Variants in SLC26A5 observed in about 807,000 individuals in gnomAD.
SLC26A5 encodes solute carrier family 26 member 5.
SLC26A5 carries 51 observed loss-of-function variants against 81.0 expected under a neutral mutation model. The observed-to-expected ratio is 0.63, with a 90% CI of 0.50 to 0.80. SLC26A5 has a LOEUF of 0.80. Among genes scored for constraint, SLC26A5 ranks in the 30% least tolerant of loss-of-function variants. The probability of loss-of-function intolerance (pLI) is 0.00; values close to 1 mark genes in which losing one functional copy is unlikely to be tolerated. For synonymous variants in SLC26A5, 325 were observed against 332.8 expected (o/e 0.98, Z 0.25); for missense variants, 771 against 905.8 (o/e 0.85, Z 1.91).
intron 17 of SLC26A5, 70 bp from the exon 18 acceptor site, chr7:103,377,869 T>A (rs1821476029): frequency 2.1e-6 from 3 of 1,454,966 alleles, no homozygotes; most frequent in African/African-American, 1.4e-5. Flanking sequence ...GAAAGATTTA[T>A]AATGGAAAAT....
chr7:103,359,306 A>C (rs1243089325), intron 19 of SLC26A5, among the ~76,000 whole-genome samples: 6 of 151,726 alleles, frequency 4.0e-5, no homozygotes, highest in Non-Finnish European at 8.8e-5. Context: ...CCAGCTTATG[A>C]ATTTTTTTAA....
chr7:103,417,505 G>A (rs1026260541), intron 4 of SLC26A5, among the ~76,000 whole-genome samples: 104 of 151,308 alleles, frequency 6.9e-4, no homozygotes, highest in African/African-American at 2.1e-3. Context: ...TTTAATGTTG[G>A]ACACAGCTTG....
intron 15 of SLC26A5, among the ~76,000 whole-genome samples, chr7:103,379,866 T>C (rs774872159): frequency 2.6e-5 from 4 of 152,166 alleles, no homozygotes; most frequent in Non-Finnish European, 5.9e-5. Context: ...ATGTTGCATA[T>C]ACTTCTTTGG....
rs1821529688 is a variant in SLC26A5 at position 103,378,542 on chromosome 7, G to A, written c.1689C>T (p.Asn563=). The A allele has an allele frequency of 2.5e-6, 4 of 1,613,974 alleles. No individual in the cohort carries two copies. The East Asian group carries it at 8.9e-5, about 36-fold the overall frequency. Residue 563 remains asparagine, a synonymous_variant, in exon 17 of 20, where the codon AAC becomes AAT. Transcript: ENST00000306312. ...TCCTTGCTCCCATGATGACTGCTGG[G>A]TTCACTCCAGTCTTTACAGAAGAGC... ...SNALKRKTGV[N]PAVIMGARRK... is the part of the protein sequence containing the mutation.
intron 19 of SLC26A5, chr7:103,362,393 G>A: frequency 7.5e-7 from 1 of 1,333,642 alleles, no homozygotes; most frequent in African/African-American, 1.5e-5. Context: ...GGATAGTTGT[G>A]ATGCTAAGTG....
downstream of SLC26A5, among the ~76,000 whole-genome samples, chr7:103,373,980 T>C (rs1025359526): frequency 2.0e-5 from 3 of 152,218 alleles, no homozygotes; most frequent in Admixed American, 6.5e-5. Flanking sequence ...GTTCCTGTCT[T>C]CTGTTAGATA....
In SLC26A5 at chr7:103,389,353, GA is replaced by G; in HGVS notation, c.1382del (p.Phe461SerfsTer7). The G allele has an allele frequency of 1.9e-6, 3 of 1,613,912 alleles. No individual in the cohort carries two copies. In the South Asian group the frequency reaches 3.3e-5, roughly 18 times the overall value. ...CCAGCTCTATTTTGCTGGTTCTCCAGAAAAAGGGGAGATCTGAGAACTGCAT... is the reference window on the plus strand; with the variant it reads ...CCAGCTCTATTTTGCTGGTTCTCCAGAAAAGGGGAGATCTGAGAACTGCAT... ...MFMQFSDLPF[F>X]WRTSKIELTI... On this transcript the variant is annotated frameshift_variant, in exon 13 of 20. Transcript: ENST00000306312. LOFTEE classifies it high-confidence loss of function.
At chr7:103,356,676 T>C (rs1208852579) in intron 19 of SLC26A5, among the ~76,000 whole-genome samples, 1 of 152,250 alleles carries the variant, frequency 6.6e-6, no homozygotes, top group Non-Finnish European at 1.5e-5. Flanking sequence ...GTTCATATAT[T>C]GTACATATTG....
intron 19 of SLC26A5, among the ~76,000 whole-genome samples, chr7:103,375,489 C>T (rs1821287814): frequency 6.6e-6 from 1 of 152,326 alleles, no homozygotes; most frequent in African/African-American, 2.4e-5. Context: ...GTTTTCCCAT[C>T]ATATGCCTAT....
chr7:103,364,418 T>G lies in SLC26A5; in HGVS notation c.2042-11492A>C, dbSNP rs544755950. On this transcript the variant is annotated intron_variant, in intron 19 of 19. Coordinates refer to the SLC26A5 transcript ENST00000339444. ...GGATCCAGACCTGAAATTTCTTTTTTCTTTTGTTGAGACAGAGTCTCATTG... is the reference window on the plus strand; with the variant it reads ...GGATCCAGACCTGAAATTTCTTTTTGCTTTTGTTGAGACAGAGTCTCATTG... The G allele has an allele frequency of 3.2e-6, 4 of 1,263,844 alleles. No homozygotes were observed. In the Admixed American group the frequency reaches 8.5e-5, roughly 27 times the overall value. The allele number at this position is 1,263,844 out of a possible 1,614,324, so 78.3% of individuals were successfully genotyped here. A position where few individuals can be genotyped will look rare whatever the true frequency, so the allele number is the denominator to read the frequency against.
In SLC26A5 at chr7:103,377,802, G is replaced by C; in HGVS notation, c.1786-3C>G. On this transcript the variant is annotated splice_polypyrimidine_tract_variant and splice_region_variant and intron_variant, in intron 17 of 19. Transcript: ENST00000306312. ...TCCTCTCCATCTACTTCTGCATCCT[G>C]TGTCAAAAATTAAACCAAACCAGAA... The C allele has an allele frequency of 1.9e-6, 3 of 1,613,416 alleles. No homozygotes were observed. The highest frequency in any genetic ancestry group is 2.5e-6 in the Non-Finnish European group (3 of 1,179,896).
chr7:103,430,914 C>A (rs1826034773), intron 2 of SLC26A5, among the ~76,000 whole-genome samples: 1 of 152,174 alleles, frequency 6.6e-6, no homozygotes, highest in African/African-American at 2.4e-5. Context: ...CAAAATCACT[C>A]TACCACGGAT....
chr7:103,415,503 A>C (rs1824832464), intron 4 of SLC26A5, among the ~76,000 whole-genome samples: 1 of 152,154 alleles, frequency 6.6e-6, no homozygotes, highest in South Asian at 2.1e-4. Context: ...ACCGGGTGGG[A>C]GTATTACTGG....
intron 4 of SLC26A5, among the ~76,000 whole-genome samples, chr7:103,414,324 T>G (rs563894534): frequency 6.6e-6 from 1 of 151,930 alleles, no homozygotes; most frequent in Non-Finnish European, 1.5e-5. Flanking sequence ...TAGTTGGGAC[T>G]ACAGGTGTGT....
At chr7:103,445,586 G>A (rs1039659744) in intron 1 of SLC26A5, 3 of 152,284 alleles carry the variant, frequency 2.0e-5, no homozygotes, top group Admixed American at 6.5e-5. Context: ...GCTGAGCGGA[G>A]GGCCCAGTTT....
At chr7:103,381,849 A>G (rs1027329864) in intron 14 of SLC26A5, among the ~76,000 whole-genome samples, 18 of 151,702 alleles carry the variant, frequency 1.2e-4, no homozygotes, top group African/African-American at 4.4e-4. Flanking sequence ...ACATGCATAT[A>G]CACCACACAC....
intron 19 of SLC26A5, among the ~76,000 whole-genome samples, chr7:103,361,510 C>CAAAAAAA (rs759044767): frequency 0.011 from 553 of 49,414 alleles, 1 homozygote; most frequent in East Asian, 0.017. Flanking sequence ...AACTCCATCT[C>CAAAAAAA]AAAAAAAAAA....
At chr7:103,363,073 C>T (rs925860241) in intron 19 of SLC26A5, among the ~76,000 whole-genome samples, 4 of 152,130 alleles carry the variant, frequency 2.6e-5, no homozygotes, top group Admixed American at 2.6e-4. Context: ...GGATTCCAGG[C>T]GTGAGCCACT....
At chr7:103,420,289 C>CA (rs1825238177) in intron 4 of SLC26A5, among the ~76,000 whole-genome samples, 1 of 90,578 alleles carries the variant, frequency 1.1e-5, no homozygotes. Context: ...ATCCCTGGAG[C>CA]TTTTTTTTTT....
Sources: allele counts gnomAD v4.1 joint callset (sites outside exome capture counted in the v4.1 genomes callset), GRCh38; gene constraint gnomAD v4.1.1; transcripts MANE v1.5; gene names NCBI Gene and HGNC (gene_info 2026-07-23, HGNC 2026-07-21).